COX7A2L: variants seen among roughly 807,000 people sequenced by gnomAD.
COX7A2L encodes cytochrome c oxidase subunit 7A2 like, also known as cytochrome c oxidase subunit 7A2-like, mitochondrial.
A neutral mutation model predicts 14.2 loss-of-function variants in COX7A2L; 18 were observed. The ratio of observed to expected loss-of-function variants is 1.27; its 90% CI spans 0.88 to 1.88. COX7A2L has a LOEUF of 1.88. Among genes scored for constraint, COX7A2L ranks in the 40% most tolerant of loss-of-function variants. The pLI is 0.00. For synonymous variants in COX7A2L, 65 were observed against 57.4 expected, an observed-to-expected ratio of 1.13 and a Z score of -0.60; for missense variants, 179 against 138.8, an observed-to-expected ratio of 1.29 and a Z score of -1.46.
chr2:42,363,083 C>A (rs886633612), upstream of COX7A2L, among the ~76,000 whole-genome samples: 1 of 151,802 alleles, frequency 6.6e-6, no homozygotes, highest in African/African-American at 2.4e-5. Flanking sequence ...ACCATGTTTC[C>A]CAGGCTAGTC....
At chr2:42,349,036 T>C (rs1249233208), downstream of COX7A2L, among the ~76,000 whole-genome samples, 1 of 152,174 alleles carries the variant, frequency 6.6e-6, no homozygotes, top group Non-Finnish European at 1.5e-5. Context: ...ATGGTACAAC[T>C]GAGTTGGAAA....
chr2:42,367,867 C>T (rs1321271462), intron 1 of COX7A2L, among the ~76,000 whole-genome samples: 1 of 152,246 alleles, frequency 6.6e-6, no homozygotes, highest in East Asian at 1.9e-4. Flanking sequence ...TCTCTTCCAC[C>T]CCCAAACTGC....
rs1670628154 is a variant in COX7A2L at position 42,351,140 on chromosome 2, A to C, written c.*79T>G. On this transcript the variant is annotated 3_prime_UTR_variant, in exon 3 of 3. Transcript: ENST00000234301. ...AAATGTTAAGCCATCCAAGTAAAAA[A>C]AAAAATTTTAATTTAACAATGAAAA... 3 of 1,461,048 alleles carry C rather than the reference A, an allele frequency of 2.1e-6. No homozygotes were observed. Among genetic ancestry groups the C allele is most frequent in the Admixed American group, 2.4e-5 (1 of 40,890 alleles). 90.5% of individuals were successfully genotyped at this position (1,461,048 alleles called of 1,614,324 possible). A position where few individuals can be genotyped will look rare whatever the true frequency, so the allele number is the denominator to read the frequency against.
intron 2 of COX7A2L, 135 bp from the exon 3 acceptor site, chr2:42,351,494 G>T (rs1670643257): frequency 2.0e-6 from 2 of 996,212 alleles, no homozygotes; most frequent in Admixed American, 2.9e-5. Context: ...CTAATCCATG[G>T]AATGCTAGTA....
intron 2 of COX7A2L, among the ~76,000 whole-genome samples, chr2:42,335,932 C>T (rs907687561): frequency 5.3e-5 from 8 of 152,188 alleles, no homozygotes; most frequent in African/African-American, 9.7e-5. Context: ...GCAGAGGAAC[C>T]GCTAGGCTGG....
chr2:42,349,635 T>C lies in COX7A2L; in HGVS notation c.*1584A>G, dbSNP rs1670578163. 1 of 152,200 alleles carries C rather than the reference T, an allele frequency of 6.6e-6. No individual in the cohort carries two copies. 9.4% of individuals were successfully genotyped at this position (152,200 alleles called of 1,614,324 possible). A position where few individuals can be genotyped will look rare whatever the true frequency, so the allele number is the denominator to read the frequency against. ...TATATCCCAATAAAGCTGTTATTTT[T>C]TAAAAACACAACTATGAAGAACTCA... On this transcript the variant is annotated 3_prime_UTR_variant, in exon 3 of 3. Transcript: ENST00000234301.
upstream of COX7A2L, among the ~76,000 whole-genome samples, chr2:42,364,250 C>CAAAAAAAAAAAAAAAAAAAA (rs35151680): frequency 2.0e-4 from 17 of 85,416 alleles, no homozygotes; most frequent in East Asian, 1.5e-3. Context: ...GACTCCGTCT[C>CAAAAAAAAAAAAAAAAAAAA]AAAAAAAAAA....
At chr2:42,348,628 G>C (rs1438298913), downstream of COX7A2L, among the ~76,000 whole-genome samples, 1 of 152,114 alleles carries the variant, frequency 6.6e-6, no homozygotes, top group Non-Finnish European at 1.5e-5. Context: ...AGACTAAACA[G>C]TCACAACATG....
chr2:42,359,836 C>A (rs1216614310), intron 1 of COX7A2L: 8 of 147,206 alleles, frequency 5.4e-5, no homozygotes, highest in South Asian at 2.1e-4. Flanking sequence ...GCAACTCCCC[C>A]ACTAACCCCC....
In COX7A2L at chr2:42,339,005, C is replaced by A. The variant is rs1670345690; in HGVS notation, c.193-5136G>T. Among the ~76,000 whole-genome samples the A allele has an allele frequency of 6.6e-6, 1 of 152,178 alleles. No individual in the cohort carries two copies. The highest frequency in any genetic ancestry group is 2.1e-4 in the South Asian group (1 of 4,826). Reference sequence around the variant, plus strand: ...CCCTCTGATCACTGGCTGGAGCCTGCATCACAGTCACCCGTGTTTGCACTG... The same window carrying A: ...CCCTCTGATCACTGGCTGGAGCCTGAATCACAGTCACCCGTGTTTGCACTG... On this transcript the variant is annotated intron_variant, in intron 2 of 2. Transcript: ENST00000468711. The surrounding 1 kb of genome is among the most constrained non-coding windows in gnomAD (Gnocchi z 5.4).
intron 2 of COX7A2L, among the ~76,000 whole-genome samples, chr2:42,341,292 C>T (rs776584147): frequency 6.6e-6 from 1 of 152,160 alleles, no homozygotes; most frequent in Non-Finnish European, 1.5e-5. Flanking sequence ...AGGCCACCCA[C>T]ACCTAAGGCA....
At chr2:42,368,257 C>T (rs1671205677) in intron 1 of COX7A2L, among the ~76,000 whole-genome samples, 1 of 152,070 alleles carries the variant, frequency 6.6e-6, no homozygotes, top group African/African-American at 2.4e-5. Context: ...TTTTAACACC[C>T]CACCTTCCTT....
upstream of COX7A2L, among the ~76,000 whole-genome samples, chr2:42,362,092 C>G (rs1056878873): frequency 6.6e-6 from 1 of 152,168 alleles, no homozygotes. Context: ...TTTTCCTGGC[C>G]TCTGCTCTTT....
At chr2:42,356,599 T>C (rs968441102) in intron 1 of COX7A2L, among the ~76,000 whole-genome samples, 4 of 152,164 alleles carry the variant, frequency 2.6e-5, no homozygotes, top group Admixed American at 2.0e-4. Flanking sequence ...ACAATTCCCA[T>C]AGCAATAAGA....
At chr2:42,357,441 T>G (rs1317694863) in intron 1 of COX7A2L, among the ~76,000 whole-genome samples, 1 of 152,148 alleles carries the variant, frequency 6.6e-6, no homozygotes, top group African/African-American at 2.4e-5. Context: ...CCTGAGTAGC[T>G]AGGACTACAA....
intron 1 of COX7A2L, among the ~76,000 whole-genome samples, chr2:42,357,876 A>G (rs1330927134): frequency 1.3e-5 from 2 of 152,092 alleles, no homozygotes; most frequent in Non-Finnish European, 2.9e-5. Context: ...GTCCTTACAT[A>G]CTAGGCCCTT....
At chr2:42,335,837 G>T (rs1035493818) in intron 2 of COX7A2L, among the ~76,000 whole-genome samples, 1 of 152,194 alleles carries the variant, frequency 6.6e-6, no homozygotes, top group Non-Finnish European at 1.5e-5. Flanking sequence ...GTGATGATGA[G>T]GCTTTGGACT....
In COX7A2L at chr2:42,351,166, A is replaced by T; in HGVS notation, c.*53T>A. 6.0e-6 allele frequency: 9 copies of T among 1,505,644 alleles called. No individual in the cohort carries two copies. The South Asian group carries it at 1.1e-4, about 18-fold the overall frequency. The allele number at this position is 1,505,644 out of a possible 1,614,324, so 93.3% of individuals were successfully genotyped here. ...AAAAATTTTAATTTAACAATGAAAA[A>T]GGAACTTCAAAGGGTTTATGCCAAA... is the stretch of plus-strand genomic sequence containing the variant. On this transcript the variant is annotated 3_prime_UTR_variant, in exon 3 of 3. Transcript: ENST00000234301.
chr2:42,346,333 G>C (rs1426531317), downstream of COX7A2L, among the ~76,000 whole-genome samples: 3 of 152,180 alleles, frequency 2.0e-5, no homozygotes, highest in African/African-American at 7.2e-5. Context: ...GTGAGGCCCA[G>C]CTTCGCTCAG....
Sources: gnomAD v4.1 joint callset for allele counts (sites outside exome capture counted in the v4.1 genomes callset) on GRCh38, gnomAD v4.1.1 for gene constraint, Gnocchi (gnomAD v3.1) non-coding constraint, MANE v1.5 for transcripts, NCBI Gene and HGNC (gene_info 2026-07-23, HGNC 2026-07-21) for gene names.